CPXM2: variants seen among roughly 807,000 people sequenced by gnomAD.
CPXM2 encodes carboxypeptidase X, M14 family member 2.
In CPXM2, 66 loss-of-function variants were observed where a neutral mutation model predicts 86.1. That is an observed-to-expected ratio of 0.77 (90% CI 0.63 to 0.94). CPXM2 has a LOEUF of 0.94. Ranked by LOEUF, CPXM2 falls within the 40% of genes least tolerant of loss-of-function variation. The pLI, the probability that CPXM2 is intolerant of heterozygous loss-of-function variation, is 0.00. For synonymous variants in CPXM2, 388 were observed against 400.2 expected (o/e 0.97, Z 0.36); for missense variants, 948 against 1,026.3 (o/e 0.92, Z 1.04).
chr10:123,908,785 C>T (rs1331701130), intron 2 of CPXM2, among the ~76,000 whole-genome samples: 1 of 152,122 alleles, frequency 6.6e-6, no homozygotes, highest in Non-Finnish European at 1.5e-5. Context: ...CACTGGAGAC[C>T]TTCTGCAGTG....
intron 2 of CPXM2, among the ~76,000 whole-genome samples, chr10:123,921,070 A>T (rs1945575469): frequency 6.6e-6 from 1 of 152,088 alleles, no homozygotes; most frequent in Non-Finnish European, 1.5e-5. Context: ...TTATAACATT[A>T]AAAAAAAGTT....
chr10:123,750,966 T>C lies in CPXM2; in HGVS notation c.2017+3697A>G, dbSNP rs565386062. 1.3e-3 allele frequency: 1,269 copies of C among 985,298 alleles called. 1 individual carries two copies. Among genetic ancestry groups the C allele is most frequent in the Non-Finnish European group, 1.5e-3 (1,206 of 829,920 alleles). 61.0% of individuals were successfully genotyped at this position (985,298 alleles called of 1,614,324 possible). ...ACATTATGAAAAGCAGGAGATGCAG[T>C]GTTGGGCTGTTGTCCCCATGAGTGC... On this transcript the variant is annotated intron_variant, in intron 13 of 13. Transcript: ENST00000241305.
At chr10:123,806,180 T>G (rs188266089) in intron 4 of CPXM2, among the ~76,000 whole-genome samples, 2 of 152,330 alleles carry the variant, frequency 1.3e-5, no homozygotes, top group Non-Finnish European at 2.9e-5. Flanking sequence ...AGTACGCTTT[T>G]TCAGTTTTTG....
At chr10:123,942,347 T>A (rs1211388573), upstream of CPXM2, among the ~76,000 whole-genome samples, 3 of 152,068 alleles carry the variant, frequency 2.0e-5, no homozygotes, top group Admixed American at 2.0e-4. Context: ...TAACCTACGA[T>A]GTCACAGGAT....
chr10:123,825,809 G>T (rs1848033295), intron 4 of CPXM2, among the ~76,000 whole-genome samples: 1 of 152,090 alleles, frequency 6.6e-6, no homozygotes, highest in African/African-American at 2.4e-5. Context: ...CAGTTGCTTG[G>T]GTTTTTTGAG....
At chr10:123,926,303 G>T (rs1159191240) in intron 2 of CPXM2, among the ~76,000 whole-genome samples, 2 of 152,206 alleles carry the variant, frequency 1.3e-5, no homozygotes, top group Non-Finnish European at 2.9e-5. Context: ...TGTCCTTAAG[G>T]TTTAATTTGG....
chr10:123,782,103 A>T (rs1321323103), intron 6 of CPXM2, among the ~76,000 whole-genome samples: 1 of 152,252 alleles, frequency 6.6e-6, no homozygotes, highest in African/African-American at 2.4e-5. Context: ...ACAAGAAAGC[A>T]AAGTCATTCC....
chr10:123,795,435 C>T (rs550227594), intron 6 of CPXM2, among the ~76,000 whole-genome samples: 7 of 152,216 alleles, frequency 4.6e-5, no homozygotes, highest in South Asian at 4.2e-4. Context: ...AACAAAGAGA[C>T]GCAGAAGCAA....
At chr10:123,931,056 G>A (rs1945662656) in intron 2 of CPXM2, among the ~76,000 whole-genome samples, 1 of 152,180 alleles carries the variant, frequency 6.6e-6, no homozygotes, top group African/African-American at 2.4e-5. Context: ...CCACAACAGA[G>A]AGTAAGAACT....
intron 2 of CPXM2, among the ~76,000 whole-genome samples, chr10:123,874,724 C>A (rs1944952314): frequency 6.6e-6 from 1 of 152,168 alleles, no homozygotes; most frequent in Non-Finnish European, 1.5e-5. Context: ...ATGCCAAGAA[C>A]AAATTCCCCA....
rs140468719 is a variant in CPXM2, at chr10:123,753,182, C to G, written c.2017+1481G>C. On this transcript the variant is annotated intron_variant, in intron 13 of 13. Coordinates refer to ENST00000241305, the MANE Select transcript of CPXM2 (RefSeq NM_198148.3). ...ACAGAGGCGCCGCAGTGATGACCCCCGTGTAGTGTCAGTCCACGGGGATCA... is the reference window on the plus strand; with the variant it reads ...ACAGAGGCGCCGCAGTGATGACCCCGGTGTAGTGTCAGTCCACGGGGATCA... Among the ~76,000 whole-genome samples the G allele has an allele frequency of 3.7e-3, 567 of 152,196 alleles. 1 individual carries two copies. Among genetic ancestry groups the G allele is most frequent in the African/African-American group, 0.013 (537 of 41,530 alleles).
chr10:123,842,468 A>G lies in CPXM2; in HGVS notation c.534T>C (p.Asp178=). 1.2e-6 allele frequency: 2 copies of G among 1,614,208 alleles called. No individual in the cohort carries two copies. The highest frequency in any genetic ancestry group is 1.7e-6 in the Non-Finnish European group (2 of 1,180,020). ...CCGCGCACCACGCTCCGTCATAAAA[A>G]TCATTTTCATTAATGCCCGCCTAGA... is the stretch of plus-strand genomic sequence containing the variant. The part of the protein sequence containing the change: ...LNIQAGINEN[D]FYDGAWCAGR... Residue 178 remains aspartate, a synonymous_variant, in exon 4 of 14, where the codon GAT becomes GAC. Coordinates refer to ENST00000241305, the MANE Select transcript of CPXM2 (RefSeq NM_198148.3).
At chr10:123,779,539 TC>T (rs1229345915) in intron 7 of CPXM2, among the ~76,000 whole-genome samples, 1 of 152,178 alleles carries the variant, frequency 6.6e-6, no homozygotes, top group Non-Finnish European at 1.5e-5. Context: ...AAAATCTGGA[TC>T]CCCAGGCCCC....
intron 2 of CPXM2, among the ~76,000 whole-genome samples, chr10:123,932,036 CAG>C (rs2134287514): frequency 6.6e-6 from 1 of 152,068 alleles, no homozygotes; most frequent in African/African-American, 2.4e-5. Context: ...AACAGGGTGA[CAG>C]TGTTGATTAA....
chr10:123,835,043 C>T (rs1444297416), intron 4 of CPXM2, among the ~76,000 whole-genome samples: 2 of 152,196 alleles, frequency 1.3e-5, no homozygotes, highest in Non-Finnish European at 2.9e-5. Context: ...GAATCATGCA[C>T]CAAATAAACC....
intron 4 of CPXM2, 26 bp downstream of exon 4, chr10:123,842,323 G>C: frequency 6.2e-7 from 1 of 1,613,680 alleles, no homozygotes; most frequent in Non-Finnish European, 8.5e-7. Context: ...ACAGGGTCCA[G>C]AAAGCATATG....
intron 6 of CPXM2, among the ~76,000 whole-genome samples, chr10:123,790,481 G>A (rs994877004): frequency 6.6e-6 from 1 of 152,216 alleles, no homozygotes; most frequent in African/African-American, 2.4e-5. Flanking sequence ...AGGGAGCAAA[G>A]AGAACCAGGA....
At chr10:123,787,693 G>A (rs775915666) in intron 6 of CPXM2, among the ~76,000 whole-genome samples, 1 of 152,076 alleles carries the variant, frequency 6.6e-6, no homozygotes, top group African/African-American at 2.4e-5. Flanking sequence ...CCTTCTGGTT[G>A]GGACCTTGAC....
chr10:123,867,346 G>T (rs1287416428), intron 2 of CPXM2, among the ~76,000 whole-genome samples: 1 of 152,130 alleles, frequency 6.6e-6, no homozygotes, highest in East Asian at 1.9e-4. Context: ...GAAAGTAAGG[G>T]GCTAGAAAAT....
Sources: allele counts gnomAD v4.1 joint callset (sites outside exome capture counted in the v4.1 genomes callset), GRCh38; gene constraint gnomAD v4.1.1; transcripts MANE v1.5; gene names NCBI Gene and HGNC (gene_info 2026-07-23, HGNC 2026-07-21).